The following TNRC6B variants were observed in gnomAD, a reference collection of about 807,000 sequenced individuals.
The protein encoded by TNRC6B is trinucleotide repeat-containing gene 6B protein.
Under a neutral mutation model 203.6 loss-of-function variants are expected in TNRC6B, and 52 were observed. The ratio of observed to expected loss-of-function variants is 0.26; its 90% confidence interval spans 0.20 to 0.32. TNRC6B has a LOEUF of 0.32. Ranked by LOEUF, TNRC6B falls within the 10% of genes least tolerant of loss-of-function variation. The pLI is 1.00. For missense variants in TNRC6B, 1,923 were observed against 2,286.2 expected (o/e 0.84, Z 3.24); for synonymous variants, 838 against 845.7 (o/e 0.99, Z 0.16).
At chr22:40,130,779 TAAA>T (rs200268757) in intron 3 of TNRC6B, among the ~76,000 whole-genome samples, 1 of 65,060 alleles carries the variant, frequency 1.5e-5, no homozygotes. Flanking sequence ...AGACTCCGTC[TAAA>T]AAAAAAAAAA....
chr22:40,299,590 A>G (rs1282131955), intron 12 of TNRC6B, among the ~76,000 whole-genome samples: 13 of 152,060 alleles, frequency 8.5e-5, no homozygotes, highest in South Asian at 8.3e-4. Flanking sequence ...ATAGCTCGCT[A>G]TGTTGCCCAG....
At chr22:40,258,067 C>A in intron 3 of TNRC6B, among the ~76,000 whole-genome samples, 1 of 74,982 alleles carries the variant, frequency 1.3e-5, no homozygotes, top group African/African-American at 3.3e-5. Flanking sequence ...ATAGGATACA[C>A]AGCCTTTTTT....
chr22:40,168,352 C>T (rs1207075142), intron 4 of TNRC6B, among the ~76,000 whole-genome samples: 7 of 152,156 alleles, frequency 4.6e-5, no homozygotes, highest in Middle Eastern at 3.2e-3. Context: ...GAGGGGGAAA[C>T]GCCAATTAAG....
chr22:40,063,798 G>A (rs1242218312), intron 1 of TNRC6B, among the ~76,000 whole-genome samples: 1 of 152,004 alleles, frequency 6.6e-6, no homozygotes, highest in African/African-American at 2.4e-5. Flanking sequence ...GACCTCTTGG[G>A]CTCAAGTGAT....
chr22:40,261,450 C>A (rs1018012789), intron 3 of TNRC6B, among the ~76,000 whole-genome samples: 1 of 151,744 alleles, frequency 6.6e-6, no homozygotes, highest in African/African-American at 2.4e-5. Context: ...TGGTGGTGGG[C>A]GCCTGTAATC....
chr22:40,112,374 A>G (rs2146314007), intron 1 of TNRC6B, among the ~76,000 whole-genome samples: 1 of 152,200 alleles, frequency 6.6e-6, no homozygotes, highest in South Asian at 2.1e-4. Context: ...CCTCTCCATG[A>G]CCCTGTCCCC....
Position 40,332,061 on chromosome 22 carries a change from G to T in TNRC6B, c.*8820G>T. ...CAGGCTCCAGTGTTCTCTGGAAAAA[G>T]TACTCATCCTTTCCTGAATTCAGAG... On this transcript the variant is annotated 3_prime_UTR_variant, in exon 23 of 23. Transcript: ENST00000454349. 1 of 164,900 alleles carries T rather than the reference G, an allele frequency of 6.1e-6. No individual in the cohort carries two copies. Among genetic ancestry groups the T allele is most frequent in the East Asian group, 1.7e-4 (1 of 6,052 alleles). The allele number at this position is 164,900 out of a possible 1,614,324, so 10.2% of individuals were successfully genotyped here. A position where few individuals can be genotyped will look rare whatever the true frequency, so the allele number is the denominator to read the frequency against.
chr22:40,056,108 A>C (rs1006115616), intron 1 of TNRC6B, among the ~76,000 whole-genome samples: 3 of 152,096 alleles, frequency 2.0e-5, no homozygotes, highest in South Asian at 2.1e-4. Context: ...GTTACTCTTA[A>C]GTAGTGTCTC....
upstream of TNRC6B, among the ~76,000 whole-genome samples, chr22:40,176,492 C>G (rs1040483822): frequency 3.3e-5 from 5 of 152,130 alleles, no homozygotes; most frequent in Admixed American, 2.6e-4. Flanking sequence ...TAGATGAATG[C>G]GAGTTTCTGG....
intron 1 of TNRC6B, among the ~76,000 whole-genome samples, chr22:40,205,677 G>C (rs1335306064): frequency 6.6e-6 from 1 of 152,062 alleles, no homozygotes; most frequent in Non-Finnish European, 1.5e-5. Flanking sequence ...TGACATTCTT[G>C]GTTTACTGTA....
intron 3 of TNRC6B, among the ~76,000 whole-genome samples, chr22:40,132,961 A>T (rs1210402941): frequency 0.012 from 1,139 of 95,624 alleles, 65 homozygotes; most frequent in African/African-American, 0.033. Flanking sequence ...AAAAAAAAAA[A>T]AAAAAAAAAT....
intron 1 of TNRC6B, among the ~76,000 whole-genome samples, chr22:40,186,385 G>A (rs887202796): frequency 2.6e-5 from 4 of 151,980 alleles, no homozygotes; most frequent in Non-Finnish European, 4.4e-5. Context: ...CGCCAGCACC[G>A]CCCAGTAGGA....
At chr22:40,079,957 G>C (rs2146288082) in intron 1 of TNRC6B, among the ~76,000 whole-genome samples, 1 of 152,146 alleles carries the variant, frequency 6.6e-6, no homozygotes, top group South Asian at 2.1e-4. Flanking sequence ...CACCACGCCT[G>C]GCTAATTTTT....
At position 40,206,621 on chromosome 22, in the gene TNRC6B, GAAC is replaced by G. The variant is rs1053502520; in HGVS notation, c.5+28487_5+28489del. The stretch of plus-strand genomic sequence containing the variant: ...TTTATATGGAAAAGAGAAATGACAG[GAAC>G]AACAAGTGGGAGGATTTAACCTGCT... On this transcript the variant is annotated intron_variant, in intron 1 of 22. Transcript: ENST00000454349. 3.2e-4 allele frequency among the ~76,000 whole-genome samples: 49 copies of G among 152,204 alleles called. 1 individual carries two copies. The highest frequency in any genetic ancestry group is 2.8e-3 in the Admixed American group (43 of 15,290).
In TNRC6B at chr22:40,330,406, A is replaced by C. The variant is rs1292068423; in HGVS notation, c.*7165A>C. 3.3e-5 allele frequency: 5 copies of C among 152,268 alleles called. No homozygotes were observed. Among genetic ancestry groups the C allele is most frequent in the Non-Finnish European group, 7.3e-5 (5 of 68,078 alleles). The allele number at this position is 152,268 out of a possible 1,614,324, so 9.4% of individuals were successfully genotyped here. A position where few individuals can be genotyped will look rare whatever the true frequency, so the allele number is the denominator to read the frequency against. On this transcript the variant is annotated 3_prime_UTR_variant, in exon 23 of 23. Transcript: ENST00000454349. ...TGGCTGTAAAAGTTGACTGGAGGCA[A>C]AGTGGAGTGGCCTTATTGCCAGGAC...
At chr22:40,297,520 A>T (rs747056518) in intron 12 of TNRC6B, among the ~76,000 whole-genome samples, 3 of 152,150 alleles carry the variant, frequency 2.0e-5, no homozygotes, top group South Asian at 2.1e-4. Context: ...AGCTCAAATT[A>T]AAAAATCAAT....
At chr22:40,049,270 T>TCCCACCTCA (rs2067724752) in intron 1 of TNRC6B, among the ~76,000 whole-genome samples, 2 of 151,870 alleles carry the variant, frequency 1.3e-5, no homozygotes, top group African/African-American at 4.8e-5. Context: ...GGTCTCAAAC[T>TCCCACCTCA]CCCACCTCAG....
intron 3 of TNRC6B, chr22:40,253,454 CT>C (rs2146481339): frequency 2.3e-6 from 1 of 428,438 alleles, no homozygotes; most frequent in South Asian, 1.7e-5. Flanking sequence ...ACACACTCTT[CT>C]TTCCTCTACC....
intron 2 of TNRC6B, among the ~76,000 whole-genome samples, chr22:40,119,474 C>T (rs1257351335): frequency 6.6e-6 from 1 of 152,174 alleles, no homozygotes; most frequent in Admixed American, 6.5e-5. Context: ...GTCCCAGCTA[C>T]TTGGGAGGCT....
Sources: allele counts gnomAD v4.1 joint callset (sites outside exome capture counted in the v4.1 genomes callset), GRCh38; gene constraint gnomAD v4.1.1; transcripts MANE v1.5; gene names NCBI Gene and HGNC (gene_info 2026-07-23, HGNC 2026-07-21).